AASDHPPT: variants seen among roughly 807,000 people sequenced by gnomAD.
The protein encoded by AASDHPPT is L-aminoadipate-semialdehyde dehydrogenase-phosphopantetheinyl transferase.
A neutral mutation model predicts 36.4 loss-of-function variants in AASDHPPT; 23 were observed. The ratio of observed to expected loss-of-function variants is 0.63; its 90% CI spans 0.45 to 0.89. The LOEUF is 0.89. Among genes scored for constraint, AASDHPPT ranks in the 40% least tolerant of loss-of-function variants. The pLI, the probability that AASDHPPT is intolerant of heterozygous loss-of-function variation, is 0.00. For synonymous variants in AASDHPPT, 115 were observed against 128.0 expected (o/e 0.90, Z 0.68); for missense variants, 377 against 378.2 (o/e 1.00, Z 0.03).
At chr11:106,093,478 GA>G (rs1354466545) in intron 4 of AASDHPPT, 2 of 152,022 alleles carry the variant, frequency 1.3e-5, no homozygotes, top group East Asian at 3.9e-4. Context: ...CTTACTTTGC[GA>G]TAACTTTGAC....
chr11:106,087,567 T>C (rs1391684386), intron 2 of AASDHPPT, among the ~76,000 whole-genome samples: 1 of 152,156 alleles, frequency 6.6e-6, no homozygotes, highest in Non-Finnish European at 1.5e-5. Flanking sequence ...TATATGTATA[T>C]ATTTGTGTAT....
At chr11:106,096,507 A>G (rs567297891) in intron 5 of AASDHPPT, 2 of 322,412 alleles carry the variant, frequency 6.2e-6, no homozygotes, top group East Asian at 5.3e-5. Flanking sequence ...CATGTAAAAT[A>G]CCACAGGTTT....
intron 3 of AASDHPPT, 45 bp downstream of exon 3, chr11:106,090,723 C>T: frequency 3.2e-6 from 5 of 1,550,156 alleles, no homozygotes; most frequent in Non-Finnish European, 3.5e-6. Context: ...ATAATGATTC[C>T]ATTATCTTCA....
chr11:106,081,807 A>G (rs7130759), intron 2 of AASDHPPT, among the ~76,000 whole-genome samples: 92,715 of 150,828 alleles, frequency 0.61, 32,262 homozygotes, highest in Non-Finnish European at 0.77. Context: ...GAATTGAACA[A>G]TGAGAACACA....
At chr11:106,091,636 T>C in intron 4 of AASDHPPT, 159 bp downstream of exon 4, 1 of 615,954 alleles carries the variant, frequency 1.6e-6, no homozygotes, top group South Asian at 2.7e-5. Flanking sequence ...GCATGTAACA[T>C]TTATACTAAT....
Position 106,096,730 on chromosome 11 carries a change from T to G in AASDHPPT, c.766-13T>G. On this transcript the variant is annotated splice_polypyrimidine_tract_variant and intron_variant, in intron 5 of 5. Coordinates refer to ENST00000278618, the MANE Select transcript of AASDHPPT (RefSeq NM_015423.3). The stretch of plus-strand genomic sequence containing the variant: ...GCAATATAACAATAAGGTAATCTGC[T>G]TTTGTCTTTTAGGTTCCATCTCAGG... 6.4e-7 allele frequency: 1 copy of G among 1,559,548 alleles called. No individual in the cohort carries two copies. Among genetic ancestry groups the G allele is most frequent in the Non-Finnish European group, 8.6e-7 (1 of 1,157,580 alleles).
intron 5 of AASDHPPT, among the ~76,000 whole-genome samples, chr11:106,095,296 A>G (rs544551177): frequency 9.8e-5 from 15 of 152,318 alleles, no homozygotes; most frequent in Non-Finnish European, 1.8e-4. Context: ...TGTTGAATGT[A>G]AGAGTACCAC....
intron 4 of AASDHPPT, chr11:106,092,277 A>G (rs1355358616): frequency 6.6e-6 from 1 of 152,184 alleles, no homozygotes; most frequent in African/African-American, 2.4e-5. Flanking sequence ...TTATCTCCAG[A>G]CCAGTCATTA....
At position 106,094,901 on chromosome 11, in the gene AASDHPPT, G is replaced by A. The variant is rs992862888; in HGVS notation, c.765+247G>A. On this transcript the variant is annotated intron_variant, in intron 5 of 5. Coordinates refer to ENST00000278618, the MANE Select transcript of AASDHPPT (RefSeq NM_015423.3). Reference sequence around the variant, plus strand: ...AGCACCTTGGGAGGCTGAGGCAGGCGGATCACCTGAGGTCAGGAGTTCCAG... The same window carrying A: ...AGCACCTTGGGAGGCTGAGGCAGGCAGATCACCTGAGGTCAGGAGTTCCAG... 5.3e-5 allele frequency among the ~76,000 whole-genome samples: 8 copies of A among 152,180 alleles called. No individual in the cohort carries two copies. The East Asian group carries it at 7.7e-4, about 15-fold the overall frequency.
chr11:106,096,657 T>C (rs1057093873), intron 5 of AASDHPPT, 86 bp from the exon 6 acceptor site: 1 of 1,071,614 alleles, frequency 9.3e-7, no homozygotes, highest in African/African-American at 1.6e-5. Context: ...AAATGTAAGT[T>C]GGTCTTACTT....
Position 106,079,515 on chromosome 11 carries a change from C to G in AASDHPPT, c.232C>G (p.Pro78Ala). The stretch of plus-strand genomic sequence containing the variant: ...ATTAGTTGCAGAGAAATTGAATATC[C>G]CTTGGAATCATATTCGTTTGCAAAG... ...RKLVAEKLNI[P>A]WNHIRLQRTA... The change falls in exon 2 of 6, where the codon CCT becomes GCT. Residue 78 changes from proline to alanine, a missense_variant. Transcript: ENST00000278618. The G allele has an allele frequency of 6.2e-7, 1 of 1,613,902 alleles. No individual in the cohort carries two copies. The highest frequency in any genetic ancestry group is 8.5e-7 in the Non-Finnish European group (1 of 1,179,926).
chr11:106,084,272 CAT>C (rs1005515416), intron 2 of AASDHPPT, among the ~76,000 whole-genome samples: 5 of 152,098 alleles, frequency 3.3e-5, no homozygotes, highest in South Asian at 2.1e-4. Context: ...TGAAAATACA[CAT>C]AGTCTTTGAT....
At chr11:106,080,454 G>A (rs1861127241) in intron 2 of AASDHPPT, among the ~76,000 whole-genome samples, 1 of 152,128 alleles carries the variant, frequency 6.6e-6, no homozygotes, top group African/African-American at 2.4e-5. Context: ...AAATTTGTTA[G>A]TGGTGGCTTT....
intron 2 of AASDHPPT, among the ~76,000 whole-genome samples, chr11:106,090,214 T>C (rs1268692830): frequency 2.6e-5 from 4 of 152,174 alleles, no homozygotes; most frequent in Admixed American, 2.6e-4. Context: ...TTAAAATTTA[T>C]AACAGCTTTG....
chr11:106,082,200 C>T (rs1400584462), intron 2 of AASDHPPT, among the ~76,000 whole-genome samples: 2 of 151,966 alleles, frequency 1.3e-5, no homozygotes, highest in African/African-American at 2.4e-5. Flanking sequence ...TTGCTATGTC[C>T]AGTAACACAG....
chr11:106,096,311 A>G (rs569198589), intron 5 of AASDHPPT, among the ~76,000 whole-genome samples: 6 of 152,324 alleles, frequency 3.9e-5, no homozygotes, highest in Admixed American at 1.3e-4. Flanking sequence ...AAAGAAGTAT[A>G]CATCTCTGTA....
In AASDHPPT at chr11:106,097,504, C is replaced by T. The variant is rs1861328227; in HGVS notation, c.*597C>T. On this transcript the variant is annotated 3_prime_UTR_variant, in exon 6 of 6. Coordinates refer to ENST00000278618, the MANE Select transcript of AASDHPPT (RefSeq NM_015423.3). ...ACCTAGGAAATTGTTTGACATAACA[C>T]AGGGTTCAGGGGTGTCATTAAAGAC... 3 of 152,366 alleles carry T rather than the reference C, an allele frequency of 2.0e-5. No homozygotes were observed. Among genetic ancestry groups the T allele is most frequent in the African/African-American group, 7.2e-5 (3 of 41,438 alleles). 9.4% of individuals were successfully genotyped at this position (152,366 alleles called of 1,614,324 possible).
Position 106,096,764 on chromosome 11 carries a change from A to G in AASDHPPT, c.787A>G (p.Lys263Glu), listed in dbSNP as rs1428751687. 6.2e-7 allele frequency: 1 copy of G among 1,603,878 alleles called. No homozygotes were observed. The highest frequency in any genetic ancestry group is 1.8e-5 in the Admixed American group (1 of 57,096). The part of the protein sequence containing the change: ...HQDVPSQDDS[K>E]PTQRQFTILN... ...TTAGGTTCCATCTCAGGATGATTCC[A>G]AACCAACCCAGAGGCAATTTACTAT... The change falls in exon 6 of 6, where the codon AAA becomes GAA. Residue 263 changes from lysine to glutamate, a missense_variant. Physicochemically the swap from Lys to Glu is moderately conservative, Grantham distance 56 (BLOSUM62 1). Transcript: ENST00000278618.
intron 5 of AASDHPPT, among the ~76,000 whole-genome samples, chr11:106,096,247 C>T (rs1419858002): frequency 1.3e-5 from 2 of 151,934 alleles, no homozygotes; most frequent in Admixed American, 6.6e-5. Flanking sequence ...AACAAGGGCT[C>T]TATCTCAGAG....
Sources: allele counts gnomAD v4.1 joint callset (sites outside exome capture counted in the v4.1 genomes callset), GRCh38; gene constraint gnomAD v4.1.1; transcripts MANE v1.5; gene names NCBI Gene and HGNC (gene_info 2026-07-23, HGNC 2026-07-21).